Variants in TG observed in about 807,000 individuals in gnomAD.
The protein encoded by TG is thyroid hormones.
Under a neutral mutation model 324.7 loss-of-function variants are expected in TG, and 270 were observed. The ratio of observed to expected loss-of-function variants is 0.83; its 90% CI spans 0.75 to 0.92. The LOEUF (loss-of-function observed/expected upper bound fraction) is 0.92. TG is among the 40% of genes least tolerant of loss of function. TG has a pLI of 0.00. For missense variants in TG, 3,591 were observed against 3,456.4 expected (o/e 1.04, Z -0.98); for synonymous variants, 1,401 against 1,327.0 (o/e 1.06, Z -1.21).
At chr8:133,117,874 G>C (rs1423343349) in intron 45 of TG, among the ~76,000 whole-genome samples, 2 of 152,124 alleles carry the variant, frequency 1.3e-5, no homozygotes, top group East Asian at 3.9e-4. Flanking sequence ...CCATATACCC[G>C]CTGTGCCATC....
At chr8:133,076,758 G>GAAAAAA (rs1844929734) in intron 41 of TG, 1 of 51,042 alleles carries the variant, frequency 2.0e-5, no homozygotes, top group African/African-American at 1.4e-4. Context: ...GGATTTAGCT[G>GAAAAAA]TAAAAAAAAA....
Position 132,887,200 on chromosome 8 carries a change from CAG to C in TG, c.1830_1831del (p.Gln610HisfsTer3). ...GGTACTCAGCTCCCAGACCTGTGAG[CAG>C]ACACCTGAAAGGCTATTTGTCCCAT... ...ETVLSSQTCE[Q>X]TPERLFVPSC... On this transcript the variant is annotated frameshift_variant, in exon 9 of 48. Coordinates refer to ENST00000220616, the MANE Select transcript of TG (RefSeq NM_003235.5). LOFTEE classifies it high-confidence loss of function. 1 of 1,612,960 alleles carries C rather than the reference CAG, an allele frequency of 6.2e-7. No homozygotes were observed. Among genetic ancestry groups the C allele is most frequent in the Non-Finnish European group, 8.5e-7 (1 of 1,179,246 alleles).
intron 9 of TG, 67 bp downstream of exon 9, chr8:132,887,615 T>G: frequency 6.2e-7 from 1 of 1,602,850 alleles, no homozygotes; most frequent in East Asian, 2.2e-5. Flanking sequence ...CCCAATGCAG[T>G]ACAGTAATAG....
intron 41 of TG, among the ~76,000 whole-genome samples, chr8:133,065,917 C>T (rs1025583954): frequency 2.6e-5 from 4 of 152,162 alleles, no homozygotes; most frequent in South Asian, 2.1e-4. Context: ...TTTGGAAGCC[C>T]GGGTCTGGGT....
At chr8:132,936,122 C>T (rs1263990286) in intron 25 of TG, among the ~76,000 whole-genome samples, 1 of 152,222 alleles carries the variant, frequency 6.6e-6, no homozygotes, top group African/African-American at 2.4e-5. Context: ...GATCCCATTG[C>T]AATCTAGCAA....
At position 132,971,818 on chromosome 8, in the gene TG, C is replaced by A; in HGVS notation, c.6000C>A (p.Cys2000Ter). The stretch of plus-strand genomic sequence containing the variant: ...GGTTCTTTGAATGTGAACGACGGTG[C>A]GATGCGGACCCATGCTGCACTGGCT... ...SNGFFECERR[C>*]DADPCCTGFG... The change falls in exon 33 of 48, where the codon TGC becomes TGA. Residue 2000 changes from cysteine to a stop codon, truncating the protein, a stop_gained. Coordinates refer to ENST00000220616, the MANE Select transcript of TG (RefSeq NM_003235.5). LOFTEE classifies it high-confidence loss of function. 6.2e-7 allele frequency: 1 copy of A among 1,613,430 alleles called. No homozygotes were observed. The highest frequency in any genetic ancestry group is 8.5e-7 in the Non-Finnish European group (1 of 1,179,406).
chr8:132,924,385 G>A (rs1027298598), intron 22 of TG, among the ~76,000 whole-genome samples: 7 of 152,190 alleles, frequency 4.6e-5, no homozygotes, highest in African/African-American at 4.8e-5. Flanking sequence ...GGGGACTTCT[G>A]TTGTAGAAGA....
intron 41 of TG, among the ~76,000 whole-genome samples, chr8:133,080,604 C>T (rs998303564): frequency 2.0e-5 from 3 of 152,212 alleles, no homozygotes; most frequent in Admixed American, 1.3e-4. Flanking sequence ...TCATCCCTTT[C>T]CCACAGGAAC....
chr8:132,986,620 C>G (rs1156318391), intron 35 of TG, among the ~76,000 whole-genome samples: 1 of 152,026 alleles, frequency 6.6e-6, no homozygotes, highest in Non-Finnish European at 1.5e-5. Context: ...TAGTCCATTT[C>G]TTTATTTTTG....
At chr8:133,007,547 T>C (rs1331037192) in intron 35 of TG, among the ~76,000 whole-genome samples, 2 of 152,148 alleles carry the variant, frequency 1.3e-5, no homozygotes, top group East Asian at 1.9e-4. Context: ...AGCTTCATTT[T>C]TGGAGAACTC....
chr8:133,120,300 G>A (rs968727894), intron 45 of TG, among the ~76,000 whole-genome samples: 6 of 152,188 alleles, frequency 3.9e-5, no homozygotes, highest in African/African-American at 1.4e-4. Flanking sequence ...TCTACATGAG[G>A]GTGAAAACAA....
At chr8:132,952,619 G>A (rs1326632701) in intron 27 of TG, among the ~76,000 whole-genome samples, 1 of 152,202 alleles carries the variant, frequency 6.6e-6, no homozygotes, top group East Asian at 1.9e-4. Context: ...ATTGGCATTT[G>A]TTTTTAAAGC....
At chr8:133,030,308 A>G (rs530793856) in intron 41 of TG, among the ~76,000 whole-genome samples, 101 of 152,318 alleles carry the variant, frequency 6.6e-4, no homozygotes, top group African/African-American at 2.0e-3. Flanking sequence ...TGAACCATCA[A>G]TTATCTCTCT....
At chr8:132,872,999 G>A in intron 4 of TG, 63 bp from the exon 5 acceptor site, 3 of 1,575,112 alleles carry the variant, frequency 1.9e-6, no homozygotes, top group Non-Finnish European at 2.6e-6. Context: ...TGCATATGCT[G>A]CTCGACTGCA....
At chr8:133,041,564 A>G (rs1332286871) in intron 41 of TG, among the ~76,000 whole-genome samples, 4 of 152,192 alleles carry the variant, frequency 2.6e-5, no homozygotes, top group African/African-American at 9.7e-5. Context: ...GGCGAGGAAG[A>G]TGAAGTCAGA....
intron 35 of TG, among the ~76,000 whole-genome samples, chr8:132,990,617 A>G (rs1346864357): frequency 6.6e-6 from 1 of 152,080 alleles, no homozygotes; most frequent in African/African-American, 2.4e-5. Flanking sequence ...ACCACACACA[A>G]TCATATATTT....
At chr8:132,880,333 T>C (rs1486937929) in intron 5 of TG, among the ~76,000 whole-genome samples, 2 of 152,254 alleles carry the variant, frequency 1.3e-5, no homozygotes, top group Admixed American at 1.3e-4. Context: ...TCAATGTGTA[T>C]TAAAACATTT....
intron 33 of TG, 191 bp from the exon 34 acceptor site, chr8:132,972,407 C>G: frequency 1.5e-6 from 1 of 652,130 alleles, no homozygotes; most frequent in Middle Eastern, 4.3e-4. Flanking sequence ...TCCCTTTGCT[C>G]TTAGATCAGA....
chr8:132,968,087 G>T, intron 31 of TG, 117 bp downstream of exon 31: 3 of 1,274,944 alleles, frequency 2.4e-6, no homozygotes, highest in South Asian at 2.6e-5. Flanking sequence ...TACTTTTATT[G>T]GTTTCAAGAA....
Sources: allele counts gnomAD v4.1 joint callset (sites outside exome capture counted in the v4.1 genomes callset), GRCh38; gene constraint gnomAD v4.1.1; transcripts MANE v1.5; gene names NCBI Gene and HGNC (gene_info 2026-07-23, HGNC 2026-07-21).